Variants in TMCO4 observed in about 807,000 individuals in gnomAD.
TMCO4 encodes transmembrane and coiled-coil domain-containing protein 4.
Under a neutral mutation model 64.7 loss-of-function variants are expected in TMCO4, and 58 were observed. The ratio of observed to expected loss-of-function variants is 0.90; its 90% CI spans 0.73 to 1.12. The LOEUF is 1.12. Ranked by LOEUF, TMCO4 falls within the 50% of genes most tolerant of loss-of-function variation. TMCO4 has a pLI of 0.00. For synonymous variants in TMCO4, 325 were observed against 346.1 expected (o/e 0.94, Z 0.68); for missense variants, 780 against 825.9 (o/e 0.94, Z 0.68).
chr1:19,726,073 A>G (rs1017122155), intron 13 of TMCO4, among the ~76,000 whole-genome samples: 4 of 152,222 alleles, frequency 2.6e-5, no homozygotes, highest in African/African-American at 4.8e-5. Context: ...GCACCTCTAC[A>G]TGCCAAGGCC....
chr1:19,788,892 G>C (rs1205450157), intron 2 of TMCO4, among the ~76,000 whole-genome samples: 1 of 151,984 alleles, frequency 6.6e-6, no homozygotes. Context: ...TGGCTAACAT[G>C]GTGAAACCCC....
chr1:19,728,872 A>G (rs1240967435), intron 13 of TMCO4, among the ~76,000 whole-genome samples: 3 of 152,216 alleles, frequency 2.0e-5, no homozygotes, highest in Non-Finnish European at 2.9e-5. Context: ...GCAGATAAGG[A>G]GACAGGGTCA....
chr1:19,736,853 A>G (rs371014275), intron 13 of TMCO4, among the ~76,000 whole-genome samples: 87 of 152,336 alleles, frequency 5.7e-4, no homozygotes, highest in Middle Eastern at 3.4e-3. Context: ...TTGCAGATAT[A>G]ATTAAGTAAA....
At chr1:19,747,115 T>G in intron 8 of TMCO4, 48 bp downstream of exon 8, 1 of 1,586,386 alleles carries the variant, frequency 6.3e-7, no homozygotes, top group Non-Finnish European at 8.7e-7. Context: ...GCATCATTTC[T>G]CTGTCTACAA....
chr1:19,791,335 A>T (rs865809988), intron 2 of TMCO4, among the ~76,000 whole-genome samples: 5 of 138,036 alleles, frequency 3.6e-5, no homozygotes, highest in Admixed American at 1.4e-4. Flanking sequence ...AATTAAAATT[A>T]AAAAAAAAAA....
At chr1:19,718,062 G>T (rs563093508) in intron 13 of TMCO4, among the ~76,000 whole-genome samples, 142 of 152,274 alleles carry the variant, frequency 9.3e-4, no homozygotes, top group African/African-American at 3.1e-3. Flanking sequence ...GCCAGGCGCA[G>T]TGACTCATGC....
chr1:19,799,129 T>A (rs1370521942), intron 1 of TMCO4: 1 of 152,628 alleles, frequency 6.6e-6, no homozygotes, highest in Non-Finnish European at 1.5e-5. Flanking sequence ...CCCAGGTTTT[T>A]ATCTCTTGCT....
chr1:19,700,638 C>G, intron 14 of TMCO4, 130 bp downstream of exon 14: 1 of 879,798 alleles, frequency 1.1e-6, no homozygotes, highest in Admixed American at 2.2e-5. Context: ...AGGGCCGGTG[C>G]CCGGCCGGTT....
chr1:19,792,765 ATT>A (rs71579823), intron 2 of TMCO4, among the ~76,000 whole-genome samples: 8 of 89,676 alleles, frequency 8.9e-5, no homozygotes, highest in Admixed American at 1.5e-4. Flanking sequence ...GTCAAGGTCA[ATT>A]TTTTTTTTTT....
At chr1:19,787,457 C>T (rs1028452165) in intron 2 of TMCO4, among the ~76,000 whole-genome samples, 1 of 152,250 alleles carries the variant, frequency 6.6e-6, no homozygotes, top group African/African-American at 2.4e-5. Context: ...GTCGCCTCCA[C>T]ATCTGTACCT....
intron 3 of TMCO4, among the ~76,000 whole-genome samples, chr1:19,781,836 C>T (rs192439742): frequency 0.011 from 1,691 of 152,066 alleles, 40 homozygotes; most frequent in African/African-American, 0.039. Flanking sequence ...TTAGTAGAGA[C>T]GGGGTTTCAC....
At chr1:19,685,710 C>CTGTTTTTTTTTT (rs2095142242) in intron 15 of TMCO4, among the ~76,000 whole-genome samples, 2 of 106,616 alleles carry the variant, frequency 1.9e-5, no homozygotes, top group Non-Finnish European at 3.8e-5. Flanking sequence ...AGGCCTGTTT[C>CTGTTTTTTTTTT]TTTTTTTTTT....
chr1:19,684,919 G>A (rs2095134450), intron 15 of TMCO4, among the ~76,000 whole-genome samples: 1 of 152,198 alleles, frequency 6.6e-6, no homozygotes, highest in Admixed American at 6.5e-5. Flanking sequence ...ACTAAGGAAG[G>A]CAGAACAAGC....
chr1:19,694,432 A>G lies in TMCO4; in HGVS notation c.1500+2T>C, dbSNP rs146314684. The G allele has an allele frequency of 4.3e-6, 7 of 1,612,600 alleles. No individual in the cohort carries two copies. The African/African-American group carries it at 8.0e-5, about 18-fold the overall frequency. Reference sequence around the variant, plus strand: ...CCCCAGGAGGAACAGGCCGACACTCACCACAGAGGTCAGGTCCACGTTCTC... The same window carrying G: ...CCCCAGGAGGAACAGGCCGACACTCGCCACAGAGGTCAGGTCCACGTTCTC... On this transcript the variant is annotated splice_donor_variant, in intron 15 of 15. Coordinates refer to ENST00000294543, the MANE Select transcript of TMCO4 (RefSeq NM_181719.7). LOFTEE classifies it high-confidence loss of function.
In TMCO4 at chr1:19,755,705, G is replaced by C. The variant is rs959354097; in HGVS notation, c.444C>G (p.Pro148=). The change falls in exon 7 of 16, where the codon CCC becomes CCG. Residue 148 remains proline, a synonymous_variant. Coordinates refer to ENST00000294543, the MANE Select transcript of TMCO4 (RefSeq NM_181719.7). ...VCHMTSLLQV[P]LEELDVLEEM... ...CTTCAAGGACATCCAGCTCCTCCAA[G>C]GGCACTTGGAGCAGGGAGGTCATGT... 1.2e-5 allele frequency: 19 copies of C among 1,614,132 alleles called. No homozygotes were observed. Among genetic ancestry groups the C allele is most frequent in the Non-Finnish European group, 1.6e-5 (19 of 1,180,024 alleles).
chr1:19,705,002 T>C (rs1258906031), intron 13 of TMCO4, among the ~76,000 whole-genome samples: 1 of 152,176 alleles, frequency 6.6e-6, no homozygotes, highest in Non-Finnish European at 1.5e-5. Context: ...GCTCTCTTTG[T>C]CGCTGCTGAC....
At chr1:19,701,747 G>T (rs10449255) in intron 13 of TMCO4, among the ~76,000 whole-genome samples, 67,959 of 151,868 alleles carry the variant, frequency 0.45, 15,524 homozygotes, top group Admixed American at 0.51. Flanking sequence ...GAAGAGGAGA[G>T]GGGGCGAGTA....
chr1:19,769,237 T>C (rs1266087494), intron 6 of TMCO4, among the ~76,000 whole-genome samples: 1 of 152,214 alleles, frequency 6.6e-6, no homozygotes, highest in Non-Finnish European at 1.5e-5. Flanking sequence ...ATGTCACTTC[T>C]GAGCCCTCTC....
chr1:19,728,934 C>G (rs1028346993), intron 13 of TMCO4, among the ~76,000 whole-genome samples: 1 of 152,140 alleles, frequency 6.6e-6, no homozygotes, highest in Non-Finnish European at 1.5e-5. Flanking sequence ...TTACAGAGGC[C>G]AGAATCCAAA....
Sources: gnomAD v4.1 joint callset for allele counts (sites outside exome capture counted in the v4.1 genomes callset) on GRCh38, gnomAD v4.1.1 for gene constraint, MANE v1.5 for transcripts, NCBI Gene and HGNC (gene_info 2026-07-23, HGNC 2026-07-21) for gene names.